CD48: variants seen among roughly 807,000 people sequenced by gnomAD.
The protein encoded by CD48 is CD48 antigen.
Under a neutral mutation model 22.0 loss-of-function variants are expected in CD48, and 20 were observed. The ratio of observed to expected loss-of-function variants is 0.91; its 90% CI spans 0.64 to 1.32. The LOEUF is 1.32. Among genes scored for constraint, CD48 ranks in the 40% most tolerant of loss-of-function variants. The pLI, the probability that CD48 is intolerant of heterozygous loss-of-function variation, is 0.00. For missense variants in CD48, 307 were observed against 286.5 expected, an observed-to-expected ratio of 1.07 and a Z score of -0.52; for synonymous variants, 110 against 110.1, an observed-to-expected ratio of 1.00 and a Z score of 0.01.
chr1:160,697,461 T>G (rs1022767197), intron 1 of CD48, among the ~76,000 whole-genome samples: 19 of 152,132 alleles, frequency 1.2e-4, no homozygotes, highest in Non-Finnish European at 2.4e-4. Context: ...AATATTTCCA[T>G]TGGGTATCAT....
chr1:160,684,825 C>A lies in CD48; in HGVS notation c.385+62G>T, dbSNP rs1381697926. ...GAGTGCCCCATGCCTCCCAGGAAGC[C>A]CTACAGTGGTCCATCTGGGGCCACT... On this transcript the variant is annotated intron_variant, in intron 2 of 3. Transcript: ENST00000368046. 1.9e-6 allele frequency: 3 copies of A among 1,614,012 alleles called. No individual in the cohort carries two copies. The African/African-American group carries it at 4.0e-5, about 22-fold the overall frequency.
intron 2 of CD48, among the ~76,000 whole-genome samples, chr1:160,683,325 T>C (rs1661872427): frequency 6.6e-6 from 1 of 152,128 alleles, no homozygotes; most frequent in Non-Finnish European, 1.5e-5. Context: ...CAGAGGACCA[T>C]TTTTTCTGCT....
intron 1 of CD48, among the ~76,000 whole-genome samples, chr1:160,689,769 A>G (rs558688650): frequency 1.3e-5 from 2 of 152,280 alleles, no homozygotes; most frequent in Admixed American, 1.3e-4. Flanking sequence ...CTGAAGCTTG[A>G]GTCTTCTGGT....
chr1:160,683,638 G>C (rs913388100), intron 2 of CD48: 2 of 152,002 alleles, frequency 1.3e-5, no homozygotes, highest in African/African-American at 4.8e-5. Flanking sequence ...TGGAAGAAGA[G>C]TTAGAAGGGG....
At chr1:160,701,187 T>C (rs1183507694) in intron 1 of CD48, among the ~76,000 whole-genome samples, 2 of 139,302 alleles carry the variant, frequency 1.4e-5, no homozygotes, top group African/African-American at 5.4e-5. Context: ...AAAAAAAATC[T>C]TTAAGATCAA....
chr1:160,703,805 T>A (rs1662707543), intron 1 of CD48, among the ~76,000 whole-genome samples: 1 of 152,098 alleles, frequency 6.6e-6, no homozygotes, highest in South Asian at 2.1e-4. Context: ...CAAGAGGGTA[T>A]CTGGGGTAGG....
intron 1 of CD48, among the ~76,000 whole-genome samples, chr1:160,702,056 C>A (rs554227427): frequency 6.6e-6 from 1 of 152,206 alleles, no homozygotes; most frequent in East Asian, 1.9e-4. Flanking sequence ...ACTCACCAGA[C>A]GCAATGGAAA....
chr1:160,691,093 G>A (rs556648323), intron 1 of CD48, among the ~76,000 whole-genome samples: 20 of 152,256 alleles, frequency 1.3e-4, no homozygotes, highest in Admixed American at 3.3e-4. Context: ...AGCCTGCAGG[G>A]GCCTCTGCCT....
In CD48 at chr1:160,688,255, G is replaced by A. The variant is rs147094761; in HGVS notation, c.83-3066C>T. On this transcript the variant is annotated intron_variant, in intron 1 of 3. Coordinates refer to ENST00000368046, the MANE Select transcript of CD48 (RefSeq NM_001778.4). ...CATTGCAGTGACTGTAATTAGGCCC[G>A]TGATAACAGCGATTAAAGTGAAAAC... Among the ~76,000 whole-genome samples, 793 of 152,260 alleles carry A rather than the reference G, an allele frequency of 5.2e-3. 7 individuals carry two copies. The highest frequency in any genetic ancestry group is 0.018 in the African/African-American group (753 of 41,526).
Position 160,685,076 on chromosome 1 carries a change from T to C in CD48, c.196A>G (p.Ile66Val). 3 of 1,614,200 alleles carry C rather than the reference T, an allele frequency of 1.9e-6. No individual in the cohort carries two copies. Among genetic ancestry groups the C allele is most frequent in the Non-Finnish European group, 1.7e-6 (2 of 1,180,018 alleles). The change falls in exon 2 of 4, where the codon ATT (isoleucine) becomes GTT (valine). Residue 66 changes from isoleucine (I) to valine (V), a missense_variant. By Grantham distance (29) the Ile-to-Val change is conservative (BLOSUM62 3). Transcript: ENST00000368046. ...GATTTTCTGGAATCCCATTCTACAATCTTCTGGTCGAAAGTATAAAACCAG... is the reference window on the plus strand; with the variant it reads ...GATTTTCTGGAATCCCATTCTACAACCTTCTGGTCGAAAGTATAAAACCAG... The part of the protein sequence containing the change: ...LTWFYTFDQK[I>V]VEWDSRKSKY...
chr1:160,710,223 G>A (rs1173546405), intron 1 of CD48, among the ~76,000 whole-genome samples: 2 of 152,158 alleles, frequency 1.3e-5, no homozygotes, highest in Admixed American at 6.6e-5. Context: ...GTGCCCTTAG[G>A]AGAATTTCTT....
chr1:160,701,659 G>A (rs1420934963), intron 1 of CD48, among the ~76,000 whole-genome samples: 1 of 152,130 alleles, frequency 6.6e-6, no homozygotes, highest in Non-Finnish European at 1.5e-5. Context: ...TATTTTGCCA[G>A]TAAATCTCTA....
intron 2 of CD48, among the ~76,000 whole-genome samples, chr1:160,682,208 G>C (rs1222471376): frequency 6.6e-6 from 1 of 151,972 alleles, no homozygotes; most frequent in African/African-American, 2.4e-5. Flanking sequence ...AGCAATTTGG[G>C]AGGCTGAGGC....
intron 3 of CD48, 148 bp downstream of exon 3, chr1:160,681,054 C>T: frequency 1.3e-6 from 2 of 1,505,446 alleles, no homozygotes; most frequent in Non-Finnish European, 8.9e-7. Context: ...GAGCTGGTGG[C>T]AGAACCCACG....
intron 1 of CD48, among the ~76,000 whole-genome samples, chr1:160,704,722 CTTT>C (rs200680535): frequency 6.6e-6 from 1 of 151,454 alleles, no homozygotes; most frequent in African/African-American, 2.4e-5. Flanking sequence ...CCTGGGATTT[CTTT>C]TTTTTTATTC....
At chr1:160,688,445 G>A (rs1349415666) in intron 1 of CD48, among the ~76,000 whole-genome samples, 1 of 152,192 alleles carries the variant, frequency 6.6e-6, no homozygotes, top group Admixed American at 6.5e-5. Flanking sequence ...TAATACAAGT[G>A]TATAGATGAC....
intron 1 of CD48, among the ~76,000 whole-genome samples, chr1:160,691,111 C>G (rs1662197857): frequency 6.6e-6 from 1 of 152,144 alleles, no homozygotes; most frequent in Non-Finnish European, 1.5e-5. Flanking sequence ...CCTAGGAAAG[C>G]CAGGTATTGT....
chr1:160,680,853 C>A, intron 3 of CD48: 1 of 1,326,642 alleles, frequency 7.5e-7, no homozygotes. Context: ...CGCCCACTTG[C>A]CCTTCCTTCT....
intron 2 of CD48, among the ~76,000 whole-genome samples, chr1:160,682,457 CA>C (rs71579678): frequency 8.4e-3 from 450 of 53,278 alleles, no homozygotes; most frequent in Admixed American, 0.013. Flanking sequence ...AGAAGACCTT[CA>C]AAAAAAAAAA....
Sources: gnomAD v4.1 joint callset for allele counts (sites outside exome capture counted in the v4.1 genomes callset) on GRCh38, gnomAD v4.1.1 for gene constraint, MANE v1.5 for transcripts, NCBI Gene and HGNC (gene_info 2026-07-23, HGNC 2026-07-21) for gene names.